Variants in EWSR1 observed in about 807,000 individuals in gnomAD.
The protein encoded by EWSR1 is EWS RNA binding protein 1.
Under a neutral mutation model 92.1 loss-of-function variants are expected in EWSR1, and 14 were observed. The ratio of observed to expected loss-of-function variants is 0.15; its 90% CI spans 0.10 to 0.24. The LOEUF (loss-of-function observed/expected upper bound fraction) is 0.24. Ranked by LOEUF, EWSR1 falls within the 10% of genes least tolerant of loss-of-function variation. The pLI is 1.00. For missense variants in EWSR1, 637 were observed against 870.9 expected (o/e 0.73, Z 3.38); for synonymous variants, 303 against 292.9 (o/e 1.03, Z -0.35).
chr22:29,270,237 TATCTC>T (rs1201665481), intron 1 of EWSR1, among the ~76,000 whole-genome samples: 1 of 152,188 alleles, frequency 6.6e-6, no homozygotes, highest in Non-Finnish European at 1.5e-5. Context: ...CCTCGTATGT[TATCTC>T]ATGTAGAAAA....
At chr22:29,285,906 C>T (rs1446496446) in intron 6 of EWSR1, among the ~76,000 whole-genome samples, 1 of 152,094 alleles carries the variant, frequency 6.6e-6, no homozygotes, top group Admixed American at 6.5e-5. Flanking sequence ...GGCACTATCT[C>T]GGCTCACTGC....
intron 1 of EWSR1, among the ~76,000 whole-genome samples, chr22:29,271,869 T>G (rs2146748360): frequency 6.6e-6 from 1 of 152,324 alleles, no homozygotes; most frequent in African/African-American, 2.4e-5. Context: ...TCTGATCCTG[T>G]TAGTAGATCT....
intron 9 of EWSR1, 145 bp downstream of exon 9, chr22:29,291,744 A>T (rs2060458334): frequency 1.4e-6 from 1 of 736,604 alleles, no homozygotes; most frequent in Admixed American, 3.0e-5. Context: ...GCATTGTCTT[A>T]GGGGTTAATA....
intron 1 of EWSR1, among the ~76,000 whole-genome samples, chr22:29,268,932 C>T (rs1602135007): frequency 2.0e-5 from 3 of 152,374 alleles, no homozygotes; most frequent in Admixed American, 2.0e-4. Context: ...CCCTCTGTGG[C>T]TTCCAGCCCC....
intron 4 of EWSR1, chr22:29,277,193 T>C (rs1395340751): frequency 8.9e-6 from 2 of 225,148 alleles, no homozygotes; most frequent in African/African-American, 4.5e-5. Flanking sequence ...GTTAGTGAAA[T>C]ACTGAAGGGG....
At chr22:29,281,139 A>G (rs911294875) in intron 5 of EWSR1, among the ~76,000 whole-genome samples, 1 of 151,708 alleles carries the variant, frequency 6.6e-6, no homozygotes, top group Non-Finnish European at 1.5e-5. Context: ...TCAGCCTCCC[A>G]AAGTTCTGGG....
At chr22:29,292,283 C>G in intron 10 of EWSR1, 114 bp downstream of exon 10, 1 of 1,211,776 alleles carries the variant, frequency 8.3e-7, no homozygotes, top group Non-Finnish European at 1.2e-6. Flanking sequence ...TTCTTGCTGT[C>G]AAGGACAGTT....
chr22:29,300,285 C>G lies in EWSR1; in HGVS notation c.*124C>G. The G allele has an allele frequency of 2.1e-6, 2 of 942,040 alleles. No homozygotes were observed. The highest frequency in any genetic ancestry group is 3.2e-6 in the Non-Finnish European group (2 of 629,614). 58.4% of individuals were successfully genotyped at this position (942,040 alleles called of 1,614,324 possible). On this transcript the variant is annotated 3_prime_UTR_variant, in exon 17 of 17. Coordinates refer to ENST00000397938, the MANE Select transcript of EWSR1 (RefSeq NM_005243.4). ...ACATTATGATTATTCCTTGTCTGTA[C>G]TTTAGTATTTTTCACCATTTGTGAA...
intron 10 of EWSR1, 23 bp downstream of exon 10, chr22:29,292,192 C>T: frequency 3.1e-6 from 5 of 1,611,390 alleles, no homozygotes; most frequent in Middle Eastern, 1.7e-4. Context: ...TCTAGTTGTG[C>T]TTCATATCGT....
chr22:29,279,653 C>G lies in EWSR1; in HGVS notation c.413+1437C>G, dbSNP rs529145305. Among the ~76,000 whole-genome samples, 58 of 152,326 alleles carry G rather than the reference C, an allele frequency of 3.8e-4. 1 individual carries two copies. ...GACATTTTAGGAAATCAACTTCTAA[C>G]CTAGATATATCTGCTCTAGAGGTAA... On this transcript the variant is annotated intron_variant, in intron 5 of 16. Transcript: ENST00000397938.
chr22:29,269,729 G>A (rs566762377), intron 1 of EWSR1: 2 of 152,236 alleles, frequency 1.3e-5, no homozygotes, highest in East Asian at 1.9e-4. Flanking sequence ...TAGAAGAGAG[G>A]ACTGAAATAC....
intron 5 of EWSR1, among the ~76,000 whole-genome samples, chr22:29,280,958 C>T (rs2147129689): frequency 6.9e-6 from 1 of 144,598 alleles, no homozygotes; most frequent in East Asian, 2.1e-4. Flanking sequence ...CAGCTCACTG[C>T]AAGCTCCGCC....
intron 13 of EWSR1, 40 bp from the exon 14 acceptor site, chr22:29,298,693 C>T (rs563714644): frequency 2.5e-5 from 40 of 1,610,622 alleles, no homozygotes; most frequent in Admixed American, 2.3e-4. Context: ...TTTGGTGCTA[C>T]AGAGAAATGA....
chr22:29,282,410 C>T lies in EWSR1; in HGVS notation c.434C>T (p.Pro145Leu). ...APTRPQDGNK[P>L]TETSQPQSST... ...CTTAGACCGCAGGATGGAAACAAGC[C>T]CACTGAGACTAGTCAACCTCAATCT... Residue 145 changes from proline to leucine, a missense_variant, in exon 6 of 17, where the codon CCC becomes CTC. Coordinates refer to ENST00000397938, the MANE Select transcript of EWSR1 (RefSeq NM_005243.4). The T allele has an allele frequency of 1.3e-6, 2 of 1,591,860 alleles. No homozygotes were observed. Among genetic ancestry groups the T allele is most frequent in the Non-Finnish European group, 8.5e-7 (1 of 1,172,462 alleles).
intron 4 of EWSR1, chr22:29,276,347 T>C (rs893327728): frequency 1.1e-4 from 24 of 228,566 alleles, no homozygotes; most frequent in Admixed American, 6.8e-4. Context: ...CTTCCTGTTT[T>C]CTGGAACTAT....
intron 13 of EWSR1, among the ~76,000 whole-genome samples, 157 bp downstream of exon 13, chr22:29,298,106 G>A (rs2061010438): frequency 1.3e-5 from 2 of 152,208 alleles, no homozygotes; most frequent in Non-Finnish European, 2.9e-5. Context: ...GGAATAAAAG[G>A]AAGAGAAGAA....
At chr22:29,277,012 A>G (rs944223357) in intron 4 of EWSR1, 15 of 230,894 alleles carry the variant, frequency 6.5e-5, no homozygotes. Context: ...CTCCTACAGG[A>G]AAGGTACTCT....
intron 4 of EWSR1, among the ~76,000 whole-genome samples, 171 bp downstream of exon 4, chr22:29,274,035 G>T (rs2058906266): frequency 6.6e-6 from 1 of 152,156 alleles, no homozygotes; most frequent in Non-Finnish European, 1.5e-5. Flanking sequence ...TTATAGTCTT[G>T]AGAGATCTCC....
At chr22:29,281,978 C>A (rs5752899) in intron 5 of EWSR1, among the ~76,000 whole-genome samples, 22,942 of 152,186 alleles carry the variant, frequency 0.15, 1,888 homozygotes, top group East Asian at 0.28. Flanking sequence ...TTACTTCAAC[C>A]TAAAACTTAA....
Sources: gnomAD v4.1 joint callset for allele counts (sites outside exome capture counted in the v4.1 genomes callset) on GRCh38, gnomAD v4.1.1 for gene constraint, MANE v1.5 for transcripts, NCBI Gene and HGNC (gene_info 2026-07-23, HGNC 2026-07-21) for gene names.